Variants in ACOX2 observed in about 807,000 individuals in gnomAD.
The protein encoded by ACOX2 is acyl-CoA oxidase 2.
A neutral mutation model predicts 77.5 loss-of-function variants in ACOX2; 59 were observed. That is an observed-to-expected ratio of 0.76 (90% CI 0.62 to 0.95). ACOX2 has a LOEUF of 0.95. Among genes scored for constraint, ACOX2 ranks in the 40% least tolerant of loss-of-function variants. ACOX2 has a pLI of 0.00. For synonymous variants in ACOX2, 317 were observed against 340.1 expected, an observed-to-expected ratio of 0.93 and a Z score of 0.75; for missense variants, 837 against 880.4, an observed-to-expected ratio of 0.95 and a Z score of 0.62.
At chr3:58,529,477 G>C (rs1454470569) in intron 8 of ACOX2, among the ~76,000 whole-genome samples, 1 of 152,182 alleles carries the variant, frequency 6.6e-6, no homozygotes, top group Non-Finnish European at 1.5e-5. Context: ...GGCTATGTCC[G>C]GCATTTAGGA....
chr3:58,522,715 T>A lies in ACOX2; in HGVS notation c.1527-114A>T. The A allele has an allele frequency of 1.1e-6, 1 of 890,084 alleles. No individual in the cohort carries two copies. The highest frequency in any genetic ancestry group is 1.8e-6 in the Non-Finnish European group (1 of 546,430). The allele number at this position is 890,084 out of a possible 1,614,324, so 55.1% of individuals were successfully genotyped here. A position where few individuals can be genotyped will look rare whatever the true frequency, so the allele number is the denominator to read the frequency against. On this transcript the variant is annotated intron_variant, in intron 11 of 14. Coordinates refer to ENST00000302819, the MANE Select transcript of ACOX2 (RefSeq NM_003500.4). This position sits in a 1 kb window ranked among gnomAD's most constrained non-coding sequence, Gnocchi z 4.3. ...AATGCCTGTTTATTGACCACTTATG[T>A]GCCATAAAGCTAAATGATTGATATT...
rs1258410888 is a variant in ACOX2, at chr3:58,514,436, G to C, written c.1850+2770C>G. On this transcript the variant is annotated intron_variant, in intron 13 of 14. Transcript: ENST00000302819. This position sits in a 1 kb window ranked among gnomAD's most constrained non-coding sequence, Gnocchi z 4.3. ...ATGACCGCTTAAACAACTAAAAACT[G>C]TTTGGGTCAGTTAACATTGCAGAGA... is the stretch of plus-strand genomic sequence containing the variant. Among the ~76,000 whole-genome samples the C allele has an allele frequency of 6.6e-6, 1 of 152,180 alleles. No homozygotes were observed. Among genetic ancestry groups the C allele is most frequent in the Non-Finnish European group, 1.5e-5 (1 of 68,028 alleles).
intron 12 of ACOX2, among the ~76,000 whole-genome samples, chr3:58,518,089 A>G (rs2063334614): frequency 6.6e-6 from 1 of 151,316 alleles, no homozygotes; most frequent in East Asian, 1.9e-4. Context: ...AAAAAAAAAA[A>G]AAAAAAAAAA....
In ACOX2 at chr3:58,534,324, A is replaced by T; in HGVS notation, c.323+36T>A. The T allele has an allele frequency of 6.2e-7, 1 of 1,611,410 alleles. No individual in the cohort carries two copies. Among genetic ancestry groups the T allele is most frequent in the South Asian group, 1.1e-5 (1 of 90,828 alleles). On this transcript the variant is annotated intron_variant, in intron 3 of 14. Coordinates refer to ENST00000302819, the MANE Select transcript of ACOX2 (RefSeq NM_003500.4). This position sits in a 1 kb window ranked among gnomAD's most constrained non-coding sequence, Gnocchi z 4.8. ...GGGGTTTCCAGGTGATCCCAGGTAG[A>T]TCCCTCTCTAGTGGGGCTGCTCGAG... is the stretch of plus-strand genomic sequence containing the variant.
Position 58,530,506 on chromosome 3 carries a change from G to T in ACOX2, c.952C>A (p.Arg318Ser), listed in dbSNP as rs201115263. Residue 318 changes from arginine to serine, a missense_variant, in exon 8 of 15, where the codon CGC becomes AGC. Coordinates refer to ENST00000302819, the MANE Select transcript of ACOX2 (RefSeq NM_003500.4). ...ILQKACVIAM[R>S]YSVIRRQSRL... Reference sequence around the variant, plus strand: ...GATTGGCGGCGGATGACCGAGTAGCGCATGGCGATGACACAGGCCTTCTGC... The same window carrying T: ...GATTGGCGGCGGATGACCGAGTAGCTCATGGCGATGACACAGGCCTTCTGC... 3.1e-6 allele frequency: 5 copies of T among 1,614,130 alleles called. No individual in the cohort carries two copies. The Admixed American group carries it at 5.0e-5, about 16-fold the overall frequency.
At position 58,526,607 on chromosome 3, in the gene ACOX2, G is replaced by C; in HGVS notation, c.1205C>G (p.Thr402Ser). Residue 402 changes from threonine to serine, a missense_variant, in exon 10 of 15, where the codon ACC becomes AGC. Transcript: ENST00000302819. The surrounding 1 kb of genome is among the most constrained non-coding windows in gnomAD (Gnocchi z 4.3). ...CCTGCGGCACATCTCAGCTCCCTGG[G>C]TGCAGAATTCTGACATCATGGCCTT... ...GMKAMMSEFC[T>S]QGAEMCRRAC... 6.2e-7 allele frequency: 1 copy of C among 1,614,178 alleles called. No homozygotes were observed. Among genetic ancestry groups the C allele is most frequent in the Non-Finnish European group, 8.5e-7 (1 of 1,180,034 alleles).
chr3:58,535,332 T>A lies in ACOX2; in HGVS notation c.-91-135A>T. 1 of 586,922 alleles carries A rather than the reference T, an allele frequency of 1.7e-6. No individual in the cohort carries two copies. The highest frequency in any genetic ancestry group is 3.0e-6 in the Non-Finnish European group (1 of 329,356). 36.4% of individuals were successfully genotyped at this position (586,922 alleles called of 1,614,324 possible). A position where few individuals can be genotyped will look rare whatever the true frequency, so the allele number is the denominator to read the frequency against. ...GACACTGGCTGTGGACCAGGCACTG[T>A]GTGCATGGTAGGCATGGTATGCAGC... On this transcript the variant is annotated intron_variant, in intron 1 of 14. Transcript: ENST00000302819. The surrounding 1 kb of genome is among the most constrained non-coding windows in gnomAD (Gnocchi z 4.8).
Position 58,508,923 on chromosome 3 carries a change from C to A in ACOX2, c.1953G>T (p.Gln651His). 6.2e-7 allele frequency: 1 copy of A among 1,614,210 alleles called. No homozygotes were observed. Among genetic ancestry groups the A allele is most frequent in the Non-Finnish European group, 8.5e-7 (1 of 1,180,030 alleles). ...YDGNVYERLF[Q>H]WAQKSPTNTQ... ...TATTGGTTGGTGACTTCTGAGCCCA[C>A]TGGAACAGGCGTTCGTAGACGTTTC... is the stretch of plus-strand genomic sequence containing the variant. Residue 651 changes from glutamine to histidine, a missense_variant, in exon 14 of 15, where the codon CAG (glutamine) becomes CAT (histidine). Coordinates refer to ENST00000302819, the MANE Select transcript of ACOX2 (RefSeq NM_003500.4).
In ACOX2 at chr3:58,512,078, C is replaced by G. The variant is rs560779864; in HGVS notation, c.1851-3053G>C. On this transcript the variant is annotated intron_variant, in intron 13 of 14. Transcript: ENST00000302819. This position sits in a 1 kb window ranked among gnomAD's most constrained non-coding sequence, Gnocchi z 4.8. ...TCCAGTGTCCCCTGCTTACCAACAT[C>G]TGTACTTGGATTTCTGATAGGCTCT... Among the ~76,000 whole-genome samples, 1 of 152,192 alleles carries G rather than the reference C, an allele frequency of 6.6e-6. No individual in the cohort carries two copies. The highest frequency in any genetic ancestry group is 1.5e-5 in the Non-Finnish European group (1 of 68,044).
At chr3:58,510,932 C>T (rs2063282377) in intron 13 of ACOX2, 1 of 455,672 alleles carries the variant, frequency 2.2e-6, no homozygotes, top group Non-Finnish European at 4.4e-6. Context: ...GCTATATTTA[C>T]TCATTGTTCA....
Position 58,522,716 on chromosome 3 carries a change from G to T in ACOX2, c.1527-115C>A, listed in dbSNP as rs1294236972. 2.3e-6 allele frequency: 2 copies of T among 866,566 alleles called. No individual in the cohort carries two copies. Among genetic ancestry groups the T allele is most frequent in the Non-Finnish European group, 3.8e-6 (2 of 531,486 alleles). The allele number at this position is 866,566 out of a possible 1,614,324, so 53.7% of individuals were successfully genotyped here. Reference sequence around the variant, plus strand: ...ATGCCTGTTTATTGACCACTTATGTGCCATAAAGCTAAATGATTGATATTT... The same window carrying T: ...ATGCCTGTTTATTGACCACTTATGTTCCATAAAGCTAAATGATTGATATTT... On this transcript the variant is annotated intron_variant, in intron 11 of 14. Transcript: ENST00000302819. The surrounding 1 kb of genome is among the most constrained non-coding windows in gnomAD (Gnocchi z 4.3).
chr3:58,505,393 AT>A lies in ACOX2; in HGVS notation c.1984-108del. 1 of 895,414 alleles carries A rather than the reference AT, an allele frequency of 1.1e-6. No homozygotes were observed. The highest frequency in any genetic ancestry group is 1.7e-6 in the Non-Finnish European group (1 of 603,808). 55.5% of individuals were successfully genotyped at this position (895,414 alleles called of 1,614,324 possible). A position where few individuals can be genotyped will look rare whatever the true frequency, so the allele number is the denominator to read the frequency against. ...GCTTCAAAAAGTAACATTACGTAAG[AT>A]TCTTAATTTTAAAAATTATTTCTAA... On this transcript the variant is annotated intron_variant, in intron 14 of 14. Coordinates refer to ENST00000302819, the MANE Select transcript of ACOX2 (RefSeq NM_003500.4). This position sits in a 1 kb window ranked among gnomAD's most constrained non-coding sequence, Gnocchi z 4.4.
chr3:58,522,712 A>G lies in ACOX2; in HGVS notation c.1527-111T>C. 6.6e-6 allele frequency: 6 copies of G among 905,258 alleles called. No homozygotes were observed. The highest frequency in any genetic ancestry group is 4.4e-4 in the Middle Eastern group (2 of 4,558). The allele number at this position is 905,258 out of a possible 1,614,324, so 56.1% of individuals were successfully genotyped here. On this transcript the variant is annotated intron_variant, in intron 11 of 14. Transcript: ENST00000302819. This position sits in a 1 kb window ranked among gnomAD's most constrained non-coding sequence, Gnocchi z 4.3. ...AATAATGCCTGTTTATTGACCACTTATGTGCCATAAAGCTAAATGATTGAT... is the reference window on the plus strand; with the variant it reads ...AATAATGCCTGTTTATTGACCACTTGTGTGCCATAAAGCTAAATGATTGAT...
intron 13 of ACOX2, among the ~76,000 whole-genome samples, chr3:58,516,438 C>A (rs1434633739): frequency 6.6e-6 from 1 of 152,142 alleles, no homozygotes; most frequent in Admixed American, 6.5e-5. Context: ...ATTTCCTTTC[C>A]AATAAAATGA....
Position 58,515,017 on chromosome 3 carries a change from T to C in ACOX2, c.1850+2189A>G, listed in dbSNP as rs2063312211. On this transcript the variant is annotated intron_variant, in intron 13 of 14. Coordinates refer to ENST00000302819, the MANE Select transcript of ACOX2 (RefSeq NM_003500.4). The surrounding 1 kb of genome is among the most constrained non-coding windows in gnomAD (Gnocchi z 4.0). ...TTTTGACAGTTTTTGATGATTTAACTGAACAAACTTTTTTTTTTTTCTTGA... is the reference window on the plus strand; with the variant it reads ...TTTTGACAGTTTTTGATGATTTAACCGAACAAACTTTTTTTTTTTTCTTGA... 6.6e-6 allele frequency among the ~76,000 whole-genome samples: 1 copy of C among 152,164 alleles called. No individual in the cohort carries two copies. Among genetic ancestry groups the C allele is most frequent in the South Asian group, 2.1e-4 (1 of 4,828 alleles).
rs751940054 is a variant in ACOX2 at position 58,531,781 on chromosome 3, C to T, written c.615G>A (p.Gln205=). 6.2e-7 allele frequency: 1 copy of T among 1,614,128 alleles called. No individual in the cohort carries two copies. ...LGRSATHALV[Q]AQLICSGARR... Reference sequence around the variant, plus strand: ...TGGCTCCTGAGCAGATCAGCTGGGCCTGGACCAGGGCATGGGTGGCTGACC... The same window carrying T: ...TGGCTCCTGAGCAGATCAGCTGGGCTTGGACCAGGGCATGGGTGGCTGACC... Residue 205 remains glutamine (Q), a synonymous_variant, in exon 6 of 15, where the codon CAG becomes CAA. Coordinates refer to ENST00000302819, the MANE Select transcript of ACOX2 (RefSeq NM_003500.4). The surrounding 1 kb of genome is among the most constrained non-coding windows in gnomAD (Gnocchi z 5.8).
rs969359113 is a variant in ACOX2 at position 58,526,379 on chromosome 3, T to C, written c.1346+87A>G. ...CACTTCGCAAAGCCTGCTCTTTTTA[T>C]GGGCCTCAGACGGAACCCTCCACCC... On this transcript the variant is annotated intron_variant, in intron 10 of 14. Transcript: ENST00000302819. This position sits in a 1 kb window ranked among gnomAD's most constrained non-coding sequence, Gnocchi z 4.3. 9.8e-6 allele frequency: 14 copies of C among 1,422,524 alleles called. No homozygotes were observed. The highest frequency in any genetic ancestry group is 7.9e-5 in the Admixed American group (3 of 37,930). The allele number at this position is 1,422,524 out of a possible 1,614,324, so 88.1% of individuals were successfully genotyped here.
In ACOX2 at chr3:58,528,941, C is replaced by G. The variant is rs1275855968; in HGVS notation, c.1008G>C (p.Lys336Asn). 1 of 1,610,990 alleles carries G rather than the reference C, an allele frequency of 6.2e-7. No homozygotes were observed. The highest frequency in any genetic ancestry group is 1.1e-5 in the South Asian group (1 of 90,272). ...SRLRPSDPEA[K>N]VLDYQTQQQK... ...GCTGTTGTGTCTGGTAGTCCAGGAC[C>G]TTTGCCTCTGGGTCACTGAAGGGAA... is the stretch of plus-strand genomic sequence containing the variant. Residue 336 changes from lysine (K) to asparagine (N), a missense_variant, in exon 9 of 15, where the codon AAG becomes AAC. By Grantham distance (94) the Lys-to-Asn change is moderately conservative. Coordinates refer to ENST00000302819, the MANE Select transcript of ACOX2 (RefSeq NM_003500.4). The surrounding 1 kb of genome is among the most constrained non-coding windows in gnomAD (Gnocchi z 5.6).
rs368834834 is a variant in ACOX2 at position 58,514,832 on chromosome 3, C to G, written c.1850+2374G>C. Among the ~76,000 whole-genome samples the G allele has an allele frequency of 1.3e-5, 2 of 152,170 alleles. No homozygotes were observed. The highest frequency in any genetic ancestry group is 2.9e-5 in the Non-Finnish European group (2 of 68,012). ...TCATCACTGACAACCGGGGCTAGAA[C>G]ATTATTTTCAAGTGCTTTTAAATTC... On this transcript the variant is annotated intron_variant, in intron 13 of 14. Transcript: ENST00000302819. The surrounding 1 kb of genome is among the most constrained non-coding windows in gnomAD (Gnocchi z 4.3).
Sources: allele counts gnomAD v4.1 joint callset (sites outside exome capture counted in the v4.1 genomes callset), GRCh38; gene constraint gnomAD v4.1.1; non-coding constraint Gnocchi (gnomAD v3.1); transcripts MANE v1.5; gene names NCBI Gene and HGNC (gene_info 2026-07-23, HGNC 2026-07-21).